The following HRG variants were observed in gnomAD, a reference collection of about 807,000 sequenced individuals.
The protein encoded by HRG is histidine rich glycoprotein.
A neutral mutation model predicts 29.5 loss-of-function variants in HRG; 26 were observed. The observed-to-expected ratio is 0.88, with a 90% CI of 0.65 to 1.22. The LOEUF (loss-of-function observed/expected upper bound fraction) is 1.22, where lower values mean the gene tolerates loss of function less well. Ranked by LOEUF, HRG falls within the 50% of genes most tolerant of loss-of-function variation. HRG has a pLI of 0.00. For synonymous variants in HRG, 243 were observed against 240.4 expected (o/e 1.01, Z -0.10); for missense variants, 671 against 654.5 (o/e 1.03, Z -0.28).
intron 6 of HRG, among the ~76,000 whole-genome samples, chr3:186,676,050 G>A (rs930936957): frequency 1.3e-5 from 2 of 151,920 alleles, no homozygotes; most frequent in Middle Eastern, 3.2e-3. Context: ...TGCATTTTTA[G>A]TAGAGAAGGG....
intron 5 of HRG, 112 bp downstream of exon 5, chr3:186,672,979 GAGA>G: frequency 2.6e-6 from 2 of 770,252 alleles, no homozygotes; most frequent in African/African-American, 1.7e-5. Context: ...GAAGAGGAAT[GAGA>G]AGGAGAAAAT....
Position 186,671,979 on chromosome 3 carries a change from T to G in HRG, c.558+190T>G, listed in dbSNP as rs11711923. 3.8e-3 allele frequency among the ~76,000 whole-genome samples: 348 copies of G among 90,524 alleles called. 2 individuals carry two copies. The highest frequency in any genetic ancestry group is 0.012 in the Middle Eastern group (2 of 172). 59.4% of individuals were successfully genotyped at this position (90,524 alleles called of 152,430 possible). A position where few individuals can be genotyped will look rare whatever the true frequency, so the allele number is the denominator to read the frequency against. On this transcript the variant is annotated intron_variant, in intron 4 of 6. Transcript: ENST00000232003. ...AAAAAATTGCTTTCCTCAAACACTT[T>G]TTTTTTTTTTTGAAGGATGGGTAGG...
chr3:186,668,941 A>G lies in HRG; in HGVS notation c.190A>G (p.Thr64Ala), dbSNP rs1718695789. Residue 64 changes from threonine (T) to alanine (A), a missense_variant, in exon 2 of 7, where the codon ACA becomes GCA. Thr to Ala is a moderately conservative substitution (Grantham distance 58). Coordinates refer to ENST00000232003, the MANE Select transcript of HRG (RefSeq NM_000412.5). ...TGCTTTTGGCATTCCTCAGGAAAATACAACTGTATATTACTTAGTCTTAGA... is the reference window on the plus strand; with the variant it reads ...TGCTTTTGGCATTCCTCAGGAAAATGCAACTGTATATTACTTAGTCTTAGA... ...ADAHLDRVEN[T>A]TVYYLVLDVQ... The G allele has an allele frequency of 6.3e-7, 1 of 1,589,358 alleles. No homozygotes were observed. The highest frequency in any genetic ancestry group is 1.1e-5 in the South Asian group (1 of 90,626).
chr3:186,670,652 A>G (rs1178945197), intron 3 of HRG, among the ~76,000 whole-genome samples: 2 of 151,998 alleles, frequency 1.3e-5, no homozygotes, highest in African/African-American at 4.8e-5. Flanking sequence ...GGTTCAAGCA[A>G]TTCTCCTGTC....
At chr3:186,667,418 G>A (rs1419373202) in intron 1 of HRG, among the ~76,000 whole-genome samples, 1 of 152,102 alleles carries the variant, frequency 6.6e-6, no homozygotes, top group Non-Finnish European at 1.5e-5. Flanking sequence ...GGAGAACAAA[G>A]GGCAGAAGGT....
At position 186,671,618 on chromosome 3, in the gene HRG, T is replaced by C; in HGVS notation, c.392-5T>C. On this transcript the variant is annotated splice_polypyrimidine_tract_variant and splice_region_variant and intron_variant, in intron 3 of 6. Transcript: ENST00000232003. ...TACTGTGACACTGCTATCTTCTTTC[T>C]CCAGTCTCTTCAGCACTGGCCAATA... The C allele has an allele frequency of 1.9e-6, 3 of 1,613,596 alleles. No homozygotes were observed. The highest frequency in any genetic ancestry group is 2.5e-6 in the Non-Finnish European group (3 of 1,179,530).
chr3:186,676,994 A>G, intron 6 of HRG, 53 bp from the exon 7 acceptor site: 1 of 1,610,044 alleles, frequency 6.2e-7, no homozygotes, highest in Non-Finnish European at 8.5e-7. Flanking sequence ...CAAGTATCTA[A>G]CATCTTCTTT....
chr3:186,671,564 C>T (rs1718791280), intron 3 of HRG, 59 bp from the exon 4 acceptor site: 1 of 1,544,362 alleles, frequency 6.5e-7, no homozygotes, highest in African/African-American at 1.4e-5. Flanking sequence ...ATTCTTGCCA[C>T]CAAGCCACCA....
At chr3:186,671,853 T>G in intron 4 of HRG, 64 bp downstream of exon 4, 1 of 1,382,608 alleles carries the variant, frequency 7.2e-7, no homozygotes, top group Non-Finnish European at 1.0e-6. Context: ...CAGCAGGAAC[T>G]GAATGGCATA....
At chr3:186,673,090 A>G in intron 5 of HRG, 1 of 608,524 alleles carries the variant, frequency 1.6e-6, no homozygotes, top group Non-Finnish European at 2.9e-6. Context: ...TGATTTACAC[A>G]TCAGATAACT....
Position 186,677,329 on chromosome 3 carries a change from CATA to C in HRG, c.1033_1035del (p.Asn345del), listed in dbSNP as rs1719030025. The C allele has an allele frequency of 1.2e-6, 2 of 1,613,998 alleles. No homozygotes were observed. Among genetic ancestry groups the C allele is most frequent in the Admixed American group, 1.7e-5 (1 of 59,996 alleles). On this transcript the variant is annotated inframe_deletion, in exon 7 of 7. Transcript: ENST00000232003. ...CACAAATGGGGCCCAAAGACATTCT[CATA>C]ATAATAATTCCAGTGACCTCCATCC...
At chr3:186,667,730 G>A (rs1408633435) in intron 1 of HRG, among the ~76,000 whole-genome samples, 1 of 152,084 alleles carries the variant, frequency 6.6e-6, no homozygotes, top group African/African-American at 2.4e-5. Context: ...AAGGGTGTTA[G>A]GGAGCCATTG....
At chr3:186,667,582 G>C (rs921946367) in intron 1 of HRG, among the ~76,000 whole-genome samples, 4 of 152,024 alleles carry the variant, frequency 2.6e-5, no homozygotes, top group African/African-American at 7.3e-5. Flanking sequence ...ATTTAATGAG[G>C]GGAGATCTAG....
chr3:186,676,527 C>A (rs1718996146), intron 6 of HRG, among the ~76,000 whole-genome samples: 7 of 151,590 alleles, frequency 4.6e-5, no homozygotes. Context: ...GTAATCCCAG[C>A]ACTTTGGGAA....
intron 5 of HRG, 33 bp from the exon 6 acceptor site, chr3:186,675,054 GAC>G: frequency 4.3e-6 from 6 of 1,398,006 alleles, no homozygotes; most frequent in Non-Finnish European, 6.1e-6. Flanking sequence ...ACACCACCTG[GAC>G]ACACACACTA....
intron 4 of HRG, 64 bp downstream of exon 4, chr3:186,671,853 T>A: frequency 1.4e-6 from 2 of 1,382,606 alleles, no homozygotes; most frequent in Non-Finnish European, 2.1e-6. Flanking sequence ...CAGCAGGAAC[T>A]GAATGGCATA....
rs780007469 is a variant in HRG at position 186,677,196 on chromosome 3, C to T, written c.891C>T (p.Pro297=). 1 of 1,613,964 alleles carries T rather than the reference C, an allele frequency of 6.2e-7. No individual in the cohort carries two copies. The highest frequency in any genetic ancestry group is 1.1e-5 in the South Asian group (1 of 91,060). ...HHPHKPHEHG[P]PPPPDERDHS... is the part of the protein sequence containing the mutation. ...CCCACAAGCCACACGAACATGGACC[C>T]CCACCTCCTCCAGATGAAAGAGATC... is the stretch of plus-strand genomic sequence containing the variant. Residue 297 remains proline (P), a synonymous_variant, in exon 7 of 7, where the codon CCC becomes CCT. Coordinates refer to ENST00000232003, the MANE Select transcript of HRG (RefSeq NM_000412.5).
At position 186,677,404 on chromosome 3, in the gene HRG, C is replaced by CA; in HGVS notation, c.1100dup (p.His367GlnfsTer7). 6.2e-7 allele frequency: 1 copy of CA among 1,610,046 alleles called. No individual in the cohort carries two copies. The highest frequency in any genetic ancestry group is 8.5e-7 in the Non-Finnish European group (1 of 1,177,978). On this transcript the variant is annotated frameshift_variant, in exon 7 of 7. Transcript: ENST00000232003. LOFTEE classifies it low-confidence loss of function (END_TRUNC). The stretch of plus-strand genomic sequence containing the variant: ...ACAGCATCCCCACGGACACCATCCC[C>CA]ATGCACACCATCCTCATGAACATGA...
intron 5 of HRG, chr3:186,674,638 A>G (rs1395991828): frequency 7.9e-6 from 2 of 253,398 alleles, no homozygotes; most frequent in South Asian, 5.3e-5. Context: ...GACAATGTCC[A>G]TGAAAACCCA....
Sources: gnomAD v4.1 joint callset for allele counts (sites outside exome capture counted in the v4.1 genomes callset) on GRCh38, gnomAD v4.1.1 for gene constraint, MANE v1.5 for transcripts, NCBI Gene and HGNC (gene_info 2026-07-23, HGNC 2026-07-21) for gene names.